Variants in PSMD7 observed in about 807,000 individuals in gnomAD.
The protein encoded by PSMD7 is proteasome 26S subunit, non-ATPase 7, also known as 26S proteasome non-ATPase regulatory subunit 7.
PSMD7 carries 13 observed loss-of-function variants against 36.4 expected under a neutral mutation model. That is an observed-to-expected ratio of 0.36 (90% CI 0.23 to 0.57). The LOEUF (loss-of-function observed/expected upper bound fraction) is 0.57. Among genes scored for constraint, PSMD7 ranks in the 20% least tolerant of loss-of-function variants. The pLI, the probability that PSMD7 is intolerant of heterozygous loss-of-function variation, is 0.83. For synonymous variants in PSMD7, 186 were observed against 151.0 expected, an observed-to-expected ratio of 1.23 and a Z score of -1.70; for missense variants, 298 against 393.6, an observed-to-expected ratio of 0.76 and a Z score of 2.06.
chr16:74,302,648 C>T (rs535293251), intron 5 of PSMD7, among the ~76,000 whole-genome samples: 3 of 152,164 alleles, frequency 2.0e-5, no homozygotes, highest in Admixed American at 6.5e-5. Flanking sequence ...GAGGCTGAGA[C>T]GGGAATATTG....
chr16:74,300,067 T>G, intron 1 of PSMD7, 48 bp from the exon 2 acceptor site: 1 of 1,500,446 alleles, frequency 6.7e-7, no homozygotes, highest in Non-Finnish European at 9.3e-7. Flanking sequence ...GTTGGGTTCA[T>G]GTTTCTGTGC....
intron 1 of PSMD7, among the ~76,000 whole-genome samples, chr16:74,299,301 C>T (rs1418530571): frequency 2.0e-5 from 3 of 152,144 alleles, no homozygotes; most frequent in Non-Finnish European, 4.4e-5. Flanking sequence ...CTTGTAACTC[C>T]TTAGGAGAAA....
At chr16:74,304,468 G>A (rs1325885038) in intron 6 of PSMD7, 74 bp downstream of exon 6, 45 of 1,365,698 alleles carry the variant, frequency 3.3e-5, no homozygotes, top group Admixed American at 5.4e-5. Flanking sequence ...GGTCTGTGTC[G>A]GGAATATGGA....
intron 6 of PSMD7, 159 bp from the exon 7 acceptor site, chr16:74,305,109 ATGATAACGAAATTAAGGTAAT>A (rs1183707292): frequency 1.3e-6 from 1 of 785,392 alleles, no homozygotes; most frequent in South Asian, 2.4e-5. Flanking sequence ...TGTGTTCCAA[ATGATAACGAAATTAAGGTAAT>A]TGATAACGAA....
chr16:74,299,840 C>T, intron 1 of PSMD7: 1 of 501,660 alleles, frequency 2.0e-6, no homozygotes, highest in Non-Finnish European at 3.6e-6. Flanking sequence ...TCATTTTCTT[C>T]ATTTTAAATT....
Position 74,296,940 on chromosome 16 carries a change from T to G in PSMD7, c.26T>G (p.Val9Gly). The change falls in exon 1 of 7, where the codon GTG (valine) becomes GGG (glycine). Residue 9 changes from valine to glycine, a missense_variant. Transcript: ENST00000219313. Reference protein sequence around the residue: MPELAVQKVVVHPLVLLSV... With the variant: MPELAVQKGVVHPLVLLSV... ...ATGCCGGAGCTGGCAGTGCAGAAGGTGGTGGTCCACCCCCTGGTGCTGCTC... is the reference window on the plus strand; with the variant it reads ...ATGCCGGAGCTGGCAGTGCAGAAGGGGGTGGTCCACCCCCTGGTGCTGCTC... The G allele has an allele frequency of 6.2e-7, 1 of 1,613,260 alleles. No homozygotes were observed. The highest frequency in any genetic ancestry group is 8.5e-7 in the Non-Finnish European group (1 of 1,179,808).
Position 74,301,033 on chromosome 16 carries a change from CTT to C in PSMD7, c.167-11_167-10del. ...GTTTCTATCAAGCACCCTAAACTAA[CTT>C]TTTTTTTCCTCTTTAGTTCCTTTTG... On this transcript the variant is annotated splice_polypyrimidine_tract_variant and intron_variant, in intron 2 of 6. Coordinates refer to ENST00000219313, the MANE Select transcript of PSMD7 (RefSeq NM_002811.5). 6.5e-7 allele frequency: 1 copy of C among 1,544,164 alleles called. No homozygotes were observed. The highest frequency in any genetic ancestry group is 8.9e-7 in the Non-Finnish European group (1 of 1,119,828).
At chr16:74,297,074 A>C in intron 1 of PSMD7, 86 bp downstream of exon 1, 1 of 1,427,436 alleles carries the variant, frequency 7.0e-7, no homozygotes, top group Non-Finnish European at 9.7e-7. Flanking sequence ...GCCGCGGACG[A>C]GCTGGGGACG....
chr16:74,305,243 T>C, intron 6 of PSMD7, 46 bp from the exon 7 acceptor site: 1 of 1,548,558 alleles, frequency 6.5e-7, no homozygotes, highest in Non-Finnish European at 8.7e-7. Context: ...GATAACATGG[T>C]ACCCTGATGC....
rs2034143914 is a variant in PSMD7, at chr16:74,300,102, T to C, written c.75-13T>C. On this transcript the variant is annotated splice_polypyrimidine_tract_variant and intron_variant, in intron 1 of 6. Transcript: ENST00000219313. ...CGAGCCTATCCACACTGACCATCTG[T>C]TTTCTCATTCAGAATCGGCAAGGTT... 6.2e-7 allele frequency: 1 copy of C among 1,612,790 alleles called. No individual in the cohort carries two copies. The highest frequency in any genetic ancestry group is 8.5e-7 in the Non-Finnish European group (1 of 1,178,864).
At chr16:74,301,025 TA>T in intron 2 of PSMD7, 26 bp from the exon 3 acceptor site, 1 of 1,515,174 alleles carries the variant, frequency 6.6e-7, no homozygotes, top group Non-Finnish European at 9.2e-7. Flanking sequence ...TCAAGCACCC[TA>T]AACTAACTTT....
At chr16:74,301,963 A>C (rs1286501088) in intron 4 of PSMD7, among the ~76,000 whole-genome samples, 1 of 152,162 alleles carries the variant, frequency 6.6e-6, no homozygotes, top group Non-Finnish European at 1.5e-5. Flanking sequence ...TGGGATTGAA[A>C]TTTTGGCTGT....
chr16:74,300,167 T>C lies in PSMD7; in HGVS notation c.127T>C (p.Trp43Arg), dbSNP rs2034144597. ...TGTTGTTGGTGTGCTTTTGGGGTCA[T>C]GGCAAAAGAAAGTACTTGATGTATC... The part of the protein sequence containing the change: ...KRVVGVLLGS[W>R]QKKVLDVSNS... Residue 43 changes from tryptophan (W) to arginine (R), a missense_variant, in exon 2 of 7, where the codon TGG becomes CGG. Coordinates refer to ENST00000219313, the MANE Select transcript of PSMD7 (RefSeq NM_002811.5). 6.2e-7 allele frequency: 1 copy of C among 1,614,226 alleles called. No individual in the cohort carries two copies. The highest frequency in any genetic ancestry group is 8.5e-7 in the Non-Finnish European group (1 of 1,180,042).
chr16:74,298,830 C>T (rs778481103), intron 1 of PSMD7, among the ~76,000 whole-genome samples: 3 of 152,130 alleles, frequency 2.0e-5, no homozygotes, highest in Non-Finnish European at 4.4e-5. Flanking sequence ...GCGAAGATCA[C>T]ACCACTGGAC....
In PSMD7 at chr16:74,301,086, A is replaced by G. The variant is rs1272747722; in HGVS notation, c.201A>G (p.Val67=). 6 of 1,613,166 alleles carry G rather than the reference A, an allele frequency of 3.7e-6. No individual in the cohort carries two copies. Among genetic ancestry groups the G allele is most frequent in the Non-Finnish European group, 4.2e-6 (5 of 1,179,396 alleles). Residue 67 remains valine, a synonymous_variant, in exon 3 of 7, where the codon GTA becomes GTG. Transcript: ENST00000219313. Reference sequence around the variant, plus strand: ...ATGAAGATGACAAAGACGATTCTGTATGGTTTTTAGACCATGATTATTTGG... The same window carrying G: ...ATGAAGATGACAAAGACGATTCTGTGTGGTTTTTAGACCATGATTATTTGG... ...PFDEDDKDDS[V]WFLDHDYLEN...
intron 1 of PSMD7, 130 bp downstream of exon 1, chr16:74,297,118 C>G (rs2034119600): frequency 1.0e-6 from 1 of 955,176 alleles, no homozygotes; most frequent in Non-Finnish European, 1.6e-6. Context: ...TACTTGTTCA[C>G]GAGTCCAGAC....
intron 1 of PSMD7, among the ~76,000 whole-genome samples, chr16:74,298,983 T>A (rs1304431556): frequency 6.6e-6 from 1 of 152,212 alleles, no homozygotes; most frequent in South Asian, 2.1e-4. Context: ...GAAGTTTCCC[T>A]TGAAGTTGGA....
intron 2 of PSMD7, chr16:74,300,521 T>G (rs1384592994): frequency 2.6e-6 from 1 of 384,070 alleles, no homozygotes; most frequent in Non-Finnish European, 4.8e-6. Context: ...GCACAGTTTG[T>G]CAGCCCCTGC....
intron 5 of PSMD7, among the ~76,000 whole-genome samples, chr16:74,303,725 A>G (rs559088843): frequency 3.3e-5 from 5 of 151,912 alleles, no homozygotes; most frequent in Admixed American, 3.3e-4. Flanking sequence ...AAAGAACTAT[A>G]TACTTTTTTT....
Sources: allele counts gnomAD v4.1 joint callset (sites outside exome capture counted in the v4.1 genomes callset), GRCh38; gene constraint gnomAD v4.1.1; transcripts MANE v1.5; gene names NCBI Gene and HGNC (gene_info 2026-07-23, HGNC 2026-07-21).